Variants in CCSER1 observed in about 807,000 individuals in gnomAD.
The protein encoded by CCSER1 is serine-rich coiled-coil domain-containing protein 1.
In CCSER1, 41 loss-of-function variants were observed where a neutral mutation model predicts 82.0. The observed-to-expected ratio is 0.50, with a 90% CI of 0.39 to 0.65. The LOEUF (loss-of-function observed/expected upper bound fraction) is 0.65. Ranked by LOEUF, CCSER1 falls within the 30% of genes least tolerant of loss-of-function variation. CCSER1 has a pLI of 0.00. For missense variants in CCSER1, 1,119 were observed against 1,064.2 expected, an observed-to-expected ratio of 1.05 and a Z score of -0.72; for synonymous variants, 414 against 383.9, an observed-to-expected ratio of 1.08 and a Z score of -0.92.
intron 4 of CCSER1, among the ~76,000 whole-genome samples, chr4:90,460,281 C>T (rs1269277568): frequency 1.5e-5 from 2 of 129,564 alleles, no homozygotes; most frequent in Non-Finnish European, 3.0e-5. Flanking sequence ...GTCGAGATCG[C>T]GCCACTGCAC....
At chr4:91,499,632 C>A (rs1759100085) in intron 10 of CCSER1, among the ~76,000 whole-genome samples, 1 of 151,942 alleles carries the variant, frequency 6.6e-6, no homozygotes, top group Non-Finnish European at 1.5e-5. Flanking sequence ...GCCTATTCAT[C>A]TCTCCTTTCC....
At chr4:90,639,751 C>G (rs963126422) in intron 6 of CCSER1, among the ~76,000 whole-genome samples, 2 of 152,096 alleles carry the variant, frequency 1.3e-5, no homozygotes, top group Admixed American at 1.3e-4. Flanking sequence ...CAGAAGGAAA[C>G]AAGAGTTCTA....
chr4:90,491,790 T>A (rs949849974), intron 5 of CCSER1, among the ~76,000 whole-genome samples: 2 of 152,208 alleles, frequency 1.3e-5, no homozygotes, highest in Admixed American at 6.5e-5. Context: ...GGTTTTTGTC[T>A]TTGGTTCTGT....
At chr4:91,068,608 A>T (rs1177664925) in intron 9 of CCSER1, among the ~76,000 whole-genome samples, 1 of 152,226 alleles carries the variant, frequency 6.6e-6, no homozygotes, top group Non-Finnish European at 1.5e-5. Context: ...TGGGAACTTA[A>T]TATGGATATA....
At chr4:91,142,418 G>A (rs1420642228) in intron 10 of CCSER1, among the ~76,000 whole-genome samples, 1 of 152,104 alleles carries the variant, frequency 6.6e-6, no homozygotes, top group Non-Finnish European at 1.5e-5. Context: ...CATGAGAACA[G>A]ACTAATATAC....
At chr4:90,358,884 T>G (rs1744805187) in intron 3 of CCSER1, among the ~76,000 whole-genome samples, 1 of 152,198 alleles carries the variant, frequency 6.6e-6, no homozygotes, top group African/African-American at 2.4e-5. Flanking sequence ...ATAAGGCACT[T>G]AAGTCATTGT....
intron 5 of CCSER1, among the ~76,000 whole-genome samples, chr4:90,578,900 C>T (rs1413865329): frequency 6.6e-6 from 1 of 152,064 alleles, no homozygotes; most frequent in East Asian, 1.9e-4. Context: ...AGGTACTACT[C>T]TAGCTTTCCA....
chr4:90,746,374 A>G (rs1312956740), intron 7 of CCSER1, among the ~76,000 whole-genome samples: 1 of 152,230 alleles, frequency 6.6e-6, no homozygotes. Flanking sequence ...CCTATCTTAC[A>G]GTAGTGATTT....
At chr4:91,092,505 C>T (rs916008926) in intron 10 of CCSER1, among the ~76,000 whole-genome samples, 5 of 152,174 alleles carry the variant, frequency 3.3e-5, no homozygotes, top group Non-Finnish European at 5.9e-5. Flanking sequence ...AACAGAGGGG[C>T]CTTGCTTTGC....
chr4:91,399,009 T>G lies in CCSER1; in HGVS notation c.2218-199563T>G, dbSNP rs370734984. Among the ~76,000 whole-genome samples the G allele has an allele frequency of 1.4e-4, 21 of 152,056 alleles. No individual in the cohort carries two copies. In the South Asian group the frequency reaches 3.9e-3, roughly 28 times the overall value. On this transcript the variant is annotated intron_variant, in intron 10 of 10. Coordinates refer to ENST00000509176, the MANE Select transcript of CCSER1 (RefSeq NM_001145065.2). ...ATACACTAGTAATAGATAAAATTTT[T>G]GGAATGTAGGAAAACATTAAAAGAA...
At chr4:90,618,444 T>C (rs1721709006) in intron 5 of CCSER1, among the ~76,000 whole-genome samples, 1 of 152,016 alleles carries the variant, frequency 6.6e-6, no homozygotes, top group African/African-American at 2.4e-5. Context: ...ATAATGTTTT[T>C]CATAAATCAT....
At chr4:91,514,389 G>A (rs1759988438) in intron 10 of CCSER1, among the ~76,000 whole-genome samples, 1 of 152,072 alleles carries the variant, frequency 6.6e-6, no homozygotes, top group Non-Finnish European at 1.5e-5. Flanking sequence ...GGTTGATGTT[G>A]GAGTATGTTC....
intron 5 of CCSER1, among the ~76,000 whole-genome samples, chr4:90,539,809 A>T (rs1775877543): frequency 6.6e-6 from 1 of 152,162 alleles, no homozygotes; most frequent in South Asian, 2.1e-4. Context: ...AACTTATAAG[A>T]AAGTACAAAT....
At chr4:91,152,417 A>T (rs1237062815) in intron 10 of CCSER1, among the ~76,000 whole-genome samples, 3 of 151,628 alleles carry the variant, frequency 2.0e-5, no homozygotes. Context: ...ATGGGTCTTG[A>T]CTCTTTATCC....
intron 9 of CCSER1, among the ~76,000 whole-genome samples, chr4:91,071,327 T>C (rs1214158573): frequency 6.6e-6 from 1 of 152,180 alleles, no homozygotes; most frequent in Non-Finnish European, 1.5e-5. Flanking sequence ...AGAAGTGAAG[T>C]AGGCAGAAGA....
At chr4:90,659,279 G>A (rs1161758753) in intron 6 of CCSER1, among the ~76,000 whole-genome samples, 2 of 152,072 alleles carry the variant, frequency 1.3e-5, no homozygotes, top group Non-Finnish European at 2.9e-5. Flanking sequence ...TTGCTTTCAT[G>A]CTTGCCCTAG....
chr4:91,518,601 G>T (rs949372878), intron 10 of CCSER1, among the ~76,000 whole-genome samples: 2 of 152,284 alleles, frequency 1.3e-5, no homozygotes, highest in East Asian at 1.9e-4. Context: ...TAGTGGGTCT[G>T]TTTGTTGGGT....
intron 3 of CCSER1, among the ~76,000 whole-genome samples, chr4:90,324,288 A>C (rs1561028971): frequency 6.6e-6 from 1 of 151,912 alleles, no homozygotes; most frequent in Non-Finnish European, 1.5e-5. Context: ...TCCCACCAAC[A>C]GTGTCAAAGT....
At chr4:90,472,508 C>G (rs944645432) in intron 5 of CCSER1, among the ~76,000 whole-genome samples, 1 of 152,112 alleles carries the variant, frequency 6.6e-6, no homozygotes, top group Non-Finnish European at 1.5e-5. Context: ...TAGGGAGAAA[C>G]TAACTAAATC....
Sources: gnomAD v4.1 joint callset for allele counts (sites outside exome capture counted in the v4.1 genomes callset) on GRCh38, gnomAD v4.1.1 for gene constraint, MANE v1.5 for transcripts, NCBI Gene and HGNC (gene_info 2026-07-23, HGNC 2026-07-21) for gene names.